The following ARL15 variants were observed in gnomAD, a reference collection of about 807,000 sequenced individuals.
ARL15 encodes the protein ADP-ribosylation factor-like protein 15.
Under a neutral mutation model 25.2 loss-of-function variants are expected in ARL15, and 19 were observed. The observed-to-expected ratio is 0.75, with a 90% CI of 0.53 to 1.10. The LOEUF (loss-of-function observed/expected upper bound fraction) is 1.10. Ranked by LOEUF, ARL15 falls within the 50% of genes least tolerant of loss-of-function variation. The pLI is 0.00. For missense variants in ARL15, 220 were observed against 246.0 expected, an observed-to-expected ratio of 0.89 and a Z score of 0.71; for synonymous variants, 94 against 86.8, an observed-to-expected ratio of 1.08 and a Z score of -0.46.
intron 4 of ARL15, among the ~76,000 whole-genome samples, chr5:53,946,455 G>GAAAAAAAAAAAAAAAAA (rs55727717): frequency 2.3e-5 from 1 of 43,940 alleles, no homozygotes; most frequent in Non-Finnish European, 4.0e-5. Flanking sequence ...GTCTCAAGAG[G>GAAAAAAAAAAAAAAAAA]AAAAAAAAAA....
chr5:54,096,716 TG>T (rs1179500052), intron 4 of ARL15, among the ~76,000 whole-genome samples: 4 of 152,172 alleles, frequency 2.6e-5, no homozygotes, highest in Non-Finnish European at 4.4e-5. Flanking sequence ...GGCCTAATAA[TG>T]ACATTTTAAA....
intron 1 of ARL15, among the ~76,000 whole-genome samples, chr5:54,306,604 T>C (rs1758763057): frequency 6.6e-6 from 1 of 152,164 alleles, no homozygotes; most frequent in Non-Finnish European, 1.5e-5. Flanking sequence ...TCAGCCAGGC[T>C]GGTCTCAAAC....
intron 4 of ARL15, among the ~76,000 whole-genome samples, chr5:54,024,526 C>T (rs936717893): frequency 2.6e-5 from 4 of 151,980 alleles, no homozygotes; most frequent in Admixed American, 6.6e-5. Context: ...ATTTTAGGGT[C>T]GGTATGGTAC....
intron 1 of ARL15, among the ~76,000 whole-genome samples, chr5:54,180,129 A>T (rs1330718079): frequency 1.3e-5 from 2 of 152,118 alleles, no homozygotes; most frequent in Admixed American, 1.3e-4. Context: ...TTATATGTAT[A>T]TATAAATTAT....
chr5:53,994,703 A>G (rs371117173), intron 4 of ARL15, among the ~76,000 whole-genome samples: 3 of 152,308 alleles, frequency 2.0e-5, no homozygotes, highest in African/African-American at 7.2e-5. Flanking sequence ...AAAAACTGCA[A>G]CTCACATCTA....
chr5:53,921,138 A>T (rs1456541870), intron 4 of ARL15, among the ~76,000 whole-genome samples: 1 of 152,132 alleles, frequency 6.6e-6, no homozygotes, highest in African/African-American at 2.4e-5. Context: ...ATACAGAAAC[A>T]TTTCATCACT....
intron 4 of ARL15, among the ~76,000 whole-genome samples, chr5:54,099,218 T>C (rs1433800419): frequency 6.6e-5 from 10 of 152,108 alleles, no homozygotes. Context: ...ACACTACTAA[T>C]ATAACAGTAC....
intron 4 of ARL15, among the ~76,000 whole-genome samples, chr5:54,080,106 A>G (rs1473084060): frequency 6.6e-6 from 1 of 152,194 alleles, no homozygotes; most frequent in African/African-American, 2.4e-5. Flanking sequence ...ACAAGGCCCT[A>G]TATTAGGTAT....
intron 4 of ARL15, among the ~76,000 whole-genome samples, chr5:53,952,330 G>GT (rs1238477134): frequency 1.3e-5 from 2 of 151,974 alleles, no homozygotes; most frequent in South Asian, 2.1e-4. Context: ...GACAATAACT[G>GT]TTTTTTATGT....
intron 4 of ARL15, among the ~76,000 whole-genome samples, chr5:54,001,950 G>T (rs1293430630): frequency 6.6e-6 from 1 of 152,092 alleles, no homozygotes; most frequent in Non-Finnish European, 1.5e-5. Context: ...TATATCTCAT[G>T]ACTCAAATTC....
chr5:54,259,834 G>C (rs983998725), intron 1 of ARL15, among the ~76,000 whole-genome samples: 9 of 152,164 alleles, frequency 5.9e-5, no homozygotes, highest in African/African-American at 2.2e-4. Context: ...AATCCTTTTC[G>C]TTCCTGGCCA....
chr5:53,982,683 T>A (rs1363335270), intron 4 of ARL15, among the ~76,000 whole-genome samples: 1 of 152,166 alleles, frequency 6.6e-6, no homozygotes, highest in East Asian at 1.9e-4. Flanking sequence ...TGATTTATAA[T>A]CCTTTGGGTA....
intron 4 of ARL15, among the ~76,000 whole-genome samples, chr5:53,954,046 C>T (rs541683033): frequency 1.1e-4 from 16 of 149,752 alleles, no homozygotes; most frequent in South Asian, 2.1e-4. Context: ...GAATATGTAT[C>T]GGTACAAAGA....
chr5:54,274,455 A>G (rs542837305), intron 1 of ARL15, among the ~76,000 whole-genome samples: 1 of 152,270 alleles, frequency 6.6e-6, no homozygotes, highest in East Asian at 1.9e-4. Context: ...TAACTATTTT[A>G]CTGTAAAAAT....
At chr5:54,250,163 G>C (rs561576943) in intron 1 of ARL15, among the ~76,000 whole-genome samples, 1 of 152,154 alleles carries the variant, frequency 6.6e-6, no homozygotes, top group Admixed American at 6.5e-5. Flanking sequence ...CAAGAGGTGG[G>C]GGTCGAGGGA....
intron 1 of ARL15, among the ~76,000 whole-genome samples, chr5:54,192,712 G>A (rs993094593): frequency 6.6e-6 from 1 of 151,620 alleles, no homozygotes; most frequent in Admixed American, 6.6e-5. Flanking sequence ...TTTACAAGAA[G>A]ACACAAGAGG....
At chr5:54,231,074 C>T (rs1756657626) in intron 1 of ARL15, among the ~76,000 whole-genome samples, 1 of 152,178 alleles carries the variant, frequency 6.6e-6, no homozygotes, top group African/African-American at 2.4e-5. Flanking sequence ...TTCTGGTCTC[C>T]AGCACTGTAT....
At chr5:53,888,468 G>A (rs1744608949) in intron 4 of ARL15, among the ~76,000 whole-genome samples, 1 of 151,974 alleles carries the variant, frequency 6.6e-6, no homozygotes, top group Non-Finnish European at 1.5e-5. Flanking sequence ...ATCTTCTGTA[G>A]AGGTGGGGTC....
intron 1 of ARL15, among the ~76,000 whole-genome samples, chr5:54,278,405 C>T (rs369111902): frequency 1.3e-5 from 2 of 152,320 alleles, no homozygotes; most frequent in South Asian, 2.1e-4. Context: ...TACGTCCCCT[C>T]CTTCCTCCTG....
Sources: allele counts gnomAD v4.1 joint callset (sites outside exome capture counted in the v4.1 genomes callset), GRCh38; gene constraint gnomAD v4.1.1; transcripts MANE v1.5; gene names NCBI Gene and HGNC (gene_info 2026-07-23, HGNC 2026-07-21).